Variants in CMPK1 observed in about 807,000 individuals in gnomAD.
CMPK1 encodes cytidine/uridine monophosphate kinase 1.
A neutral mutation model predicts 25.7 loss-of-function variants in CMPK1; 10 were observed. The ratio of observed to expected loss-of-function variants is 0.39; its 90% CI spans 0.24 to 0.66. CMPK1 has a LOEUF of 0.66. Ranked by LOEUF, CMPK1 falls within the 30% of genes least tolerant of loss-of-function variation. The pLI is 0.48. For missense variants in CMPK1, 199 were observed against 280.5 expected, an observed-to-expected ratio of 0.71 and a Z score of 2.08; for synonymous variants, 106 against 101.5, an observed-to-expected ratio of 1.04 and a Z score of -0.27.
chr1:47,338,453 T>C (rs544194736), intron 1 of CMPK1, among the ~76,000 whole-genome samples: 109 of 152,260 alleles, frequency 7.2e-4, no homozygotes, highest in African/African-American at 2.5e-3. Context: ...GGATTGATTT[T>C]GCACATTTAT....
chr1:47,356,089 T>G (rs1159224020), intron 1 of CMPK1, among the ~76,000 whole-genome samples: 1 of 152,230 alleles, frequency 6.6e-6, no homozygotes, highest in East Asian at 1.9e-4. Flanking sequence ...CCAAGCAAGA[T>G]GTCTTTTCCT....
chr1:47,336,582 G>A (rs1269750136), intron 1 of CMPK1, among the ~76,000 whole-genome samples: 1 of 152,080 alleles, frequency 6.6e-6, no homozygotes, highest in Non-Finnish European at 1.5e-5. Context: ...GAGTGCTGTG[G>A]TACCATCTTG....
At chr1:47,346,793 G>A (rs1442174434) in intron 1 of CMPK1, among the ~76,000 whole-genome samples, 17 of 151,460 alleles carry the variant, frequency 1.1e-4, no homozygotes, top group Admixed American at 1.1e-3. Context: ...ATGAGCCACC[G>A]TGCCCGGCCC....
chr1:47,377,859 TA>T lies in CMPK1; in HGVS notation c.*1118del, dbSNP rs1302564271. 1 of 152,650 alleles carries T rather than the reference TA, an allele frequency of 6.6e-6. No homozygotes were observed. Among genetic ancestry groups the T allele is most frequent in the African/African-American group, 2.4e-5 (1 of 41,464 alleles). 9.5% of individuals were successfully genotyped at this position (152,650 alleles called of 1,614,324 possible). A position where few individuals can be genotyped will look rare whatever the true frequency, so the allele number is the denominator to read the frequency against. On this transcript the variant is annotated 3_prime_UTR_variant, in exon 6 of 6. Transcript: ENST00000371873. ...GAAGCACCGAAAGATAAATGATTTT[TA>T]AAAGGCTATAGAGTCCAAAGGAATA...
intron 1 of CMPK1, among the ~76,000 whole-genome samples, chr1:47,342,115 T>G (rs993237767): frequency 4.0e-5 from 6 of 151,582 alleles, no homozygotes; most frequent in African/African-American, 1.5e-4. Flanking sequence ...GGAGTCTTGC[T>G]CTGCCACCCA....
At chr1:47,362,526 C>T (rs1289402664) in intron 1 of CMPK1, among the ~76,000 whole-genome samples, 5 of 151,744 alleles carry the variant, frequency 3.3e-5, no homozygotes, top group Non-Finnish European at 4.4e-5. Context: ...GATCTCGGCT[C>T]ACTGCAACCT....
chr1:47,345,581 C>T (rs1646477306), intron 1 of CMPK1, among the ~76,000 whole-genome samples: 1 of 151,152 alleles, frequency 6.6e-6, no homozygotes, highest in Admixed American at 6.6e-5. Context: ...GCAAGCTCCA[C>T]CTCCTGGGTT....
intron 2 of CMPK1, among the ~76,000 whole-genome samples, chr1:47,369,946 G>C (rs1470761327): frequency 1.3e-3 from 156 of 115,852 alleles, no homozygotes; most frequent in African/African-American, 5.1e-3. Flanking sequence ...ACGGAGTTTC[G>C]CTCTGTCGCC....
At chr1:47,339,047 CTTT>C (rs397965092) in intron 1 of CMPK1, among the ~76,000 whole-genome samples, 5 of 142,854 alleles carry the variant, frequency 3.5e-5, no homozygotes, top group African/African-American at 5.2e-5. Context: ...ACCCAGAAAA[CTTT>C]TTTTTTTTTT....
intron 1 of CMPK1, among the ~76,000 whole-genome samples, chr1:47,364,835 G>A (rs1646628345): frequency 6.6e-6 from 1 of 151,750 alleles, no homozygotes. Flanking sequence ...GCAGTGGCAT[G>A]ATCATAGCTC....
intron 1 of CMPK1, among the ~76,000 whole-genome samples, chr1:47,334,579 C>T (rs903035958): frequency 1.1e-4 from 16 of 152,216 alleles, no homozygotes; most frequent in Non-Finnish European, 2.4e-4. Flanking sequence ...CCCTCTGGTT[C>T]CCTAAACTCC....
chr1:47,357,275 T>G (rs912275080), intron 1 of CMPK1, among the ~76,000 whole-genome samples: 3 of 152,136 alleles, frequency 2.0e-5, no homozygotes, highest in African/African-American at 7.2e-5. Flanking sequence ...CCCTGCCTTC[T>G]TTTTATGATA....
At chr1:47,341,700 G>A (rs1466559550) in intron 1 of CMPK1, among the ~76,000 whole-genome samples, 1 of 151,888 alleles carries the variant, frequency 6.6e-6, no homozygotes, top group East Asian at 1.9e-4. Flanking sequence ...GTGCAATGGT[G>A]TGATCTCGGC....
At position 47,374,947 on chromosome 1, in the gene CMPK1, T is replaced by C; in HGVS notation, c.510T>C (p.Ser170=). The C allele has an allele frequency of 6.2e-7, 1 of 1,613,250 alleles. No individual in the cohort carries two copies. Among genetic ancestry groups the C allele is most frequent in the Non-Finnish European group, 8.5e-7 (1 of 1,179,560 alleles). ...GATGTCTTGAGAGGGGAAAGAGTAG[T>C]GGTAGGAGTGATGACAACAGAGAGA... ...IERCLERGKS[S]GRSDDNRESL... Residue 170 remains serine, a synonymous_variant, in exon 4 of 6, where the codon AGT becomes AGC. Transcript: ENST00000371873.
intron 5 of CMPK1, among the ~76,000 whole-genome samples, chr1:47,376,465 G>A (rs576716558): frequency 1.0e-3 from 155 of 152,054 alleles, no homozygotes; most frequent in Non-Finnish European, 1.8e-3. Context: ...ACAGGTGCCC[G>A]CCACCACGCC....
At chr1:47,370,219 TTC>T (rs1020725742) in intron 2 of CMPK1, among the ~76,000 whole-genome samples, 1 of 151,002 alleles carries the variant, frequency 6.6e-6, no homozygotes, top group Non-Finnish European at 1.5e-5. Flanking sequence ...GCCCAGCCCT[TTC>T]TCTGTTTTTT....
chr1:47,363,612 TG>T (rs1223651062), intron 1 of CMPK1, among the ~76,000 whole-genome samples: 46 of 151,834 alleles, frequency 3.0e-4, no homozygotes, highest in African/African-American at 1.1e-3. Context: ...CACTCCAGCC[TG>T]GGCAACAGAG....
At chr1:47,334,572 T>C (rs2149322389) in intron 1 of CMPK1, among the ~76,000 whole-genome samples, 1 of 152,216 alleles carries the variant, frequency 6.6e-6, no homozygotes, top group East Asian at 1.9e-4. Flanking sequence ...GCGCCTTCCC[T>C]CTGGTTCCCT....
intron 1 of CMPK1, among the ~76,000 whole-genome samples, chr1:47,356,371 A>T (rs905484880): frequency 7.2e-5 from 11 of 152,018 alleles, no homozygotes; most frequent in African/African-American, 2.7e-4. Context: ...CTATTTGTCT[A>T]TTTTTATACC....
Sources: gnomAD v4.1 joint callset for allele counts (sites outside exome capture counted in the v4.1 genomes callset) on GRCh38, gnomAD v4.1.1 for gene constraint, MANE v1.5 for transcripts, NCBI Gene and HGNC (gene_info 2026-07-23, HGNC 2026-07-21) for gene names.